Variants in PPP2R5D observed in about 807,000 individuals in gnomAD.
PPP2R5D encodes serine/threonine-protein phosphatase 2A 56 kDa regulatory subunit delta isoform.
PPP2R5D carries 12 observed loss-of-function variants against 79.1 expected under a neutral mutation model. The ratio of observed to expected loss-of-function variants is 0.15; its 90% CI spans 0.10 to 0.25. The LOEUF is 0.25. Among genes scored for constraint, PPP2R5D ranks in the 10% least tolerant of loss-of-function variants. The pLI is 1.00. For synonymous variants in PPP2R5D, 277 were observed against 286.6 expected (o/e 0.97, Z 0.34); for missense variants, 419 against 760.2 (o/e 0.55, Z 5.28).
In PPP2R5D at chr6:43,007,367, C is replaced by A; in HGVS notation, c.634-47C>A. 1.2e-6 allele frequency: 2 copies of A among 1,604,134 alleles called. No homozygotes were observed. The highest frequency in any genetic ancestry group is 1.7e-6 in the Non-Finnish European group (2 of 1,170,882). On this transcript the variant is annotated intron_variant, in intron 5 of 15. Coordinates refer to ENST00000485511, the MANE Select transcript of PPP2R5D (RefSeq NM_006245.4). This position sits in a 1 kb window ranked among gnomAD's most constrained non-coding sequence, Gnocchi z 4.5. Reference sequence around the variant, plus strand: ...AGGGAGTGGGGCACTTGGAGGCCTGCAAGTCCTTGGGAACATCCCCTCAGT... The same window carrying A: ...AGGGAGTGGGGCACTTGGAGGCCTGAAAGTCCTTGGGAACATCCCCTCAGT...
In PPP2R5D at chr6:43,007,614, TGTCTG is replaced by T; in HGVS notation, c.726+111_726+115del. 1 of 1,139,448 alleles carries T rather than the reference TGTCTG, an allele frequency of 8.8e-7. No homozygotes were observed. Among genetic ancestry groups the T allele is most frequent in the South Asian group, 1.3e-5 (1 of 78,048 alleles). The allele number at this position is 1,139,448 out of a possible 1,614,324, so 70.6% of individuals were successfully genotyped here. A position where few individuals can be genotyped will look rare whatever the true frequency, so the allele number is the denominator to read the frequency against. ...AGCTGAATATATTGGGTTTCATCCA[TGTCTG>T]GTACGAGGAGGCTATAAAGGGTAAA... On this transcript the variant is annotated intron_variant, in intron 6 of 15. Transcript: ENST00000485511. The surrounding 1 kb of genome is among the most constrained non-coding windows in gnomAD (Gnocchi z 4.5).
intron 2 of PPP2R5D, among the ~76,000 whole-genome samples, chr6:43,005,733 T>G (rs1199565963): frequency 6.6e-6 from 1 of 152,084 alleles, no homozygotes; most frequent in Non-Finnish European, 1.5e-5. Flanking sequence ...GCGATTCTCC[T>G]GCCTCAGCCT....
chr6:42,986,691 G>A (rs3805949), intron 1 of PPP2R5D, among the ~76,000 whole-genome samples: 14,858 of 151,840 alleles, frequency 0.098, 1,180 homozygotes, highest in African/African-American at 0.22. Flanking sequence ...AATGGAATTC[G>A]GGGAAAGCTG....
chr6:42,993,462 ACT>A (rs1021458270), intron 2 of PPP2R5D, among the ~76,000 whole-genome samples: 3 of 152,144 alleles, frequency 2.0e-5, no homozygotes, highest in Admixed American at 6.6e-5. Flanking sequence ...CAAGAGGGAA[ACT>A]CTGTCTCAAA....
intron 2 of PPP2R5D, among the ~76,000 whole-genome samples, chr6:42,991,344 T>G (rs1771250087): frequency 6.6e-6 from 1 of 152,028 alleles, no homozygotes; most frequent in African/African-American, 2.4e-5. Flanking sequence ...GAAGGAAAAT[T>G]TAATGGGGAG....
chr6:43,009,536 C>T lies in PPP2R5D; in HGVS notation c.1379+87C>T. ...AAGAACTAAAGAGCCAGGGGTCTCA[C>T]CTAGTCACCCAGCAAGTGGGGCTGA... On this transcript the variant is annotated intron_variant, in intron 12 of 15. Coordinates refer to ENST00000485511, the MANE Select transcript of PPP2R5D (RefSeq NM_006245.4). The surrounding 1 kb of genome is among the most constrained non-coding windows in gnomAD (Gnocchi z 5.6). The T allele has an allele frequency of 5.1e-6, 8 of 1,558,150 alleles. No individual in the cohort carries two copies. Among genetic ancestry groups the T allele is most frequent in the Non-Finnish European group, 7.0e-6 (8 of 1,140,846 alleles).
intron 2 of PPP2R5D, among the ~76,000 whole-genome samples, chr6:43,002,366 TGTTG>T (rs772363667): frequency 9.2e-5 from 14 of 152,108 alleles, no homozygotes; most frequent in Non-Finnish European, 1.8e-4. Context: ...GGTTTCACCA[TGTTG>T]GCCAGGCTGC....
intron 2 of PPP2R5D, among the ~76,000 whole-genome samples, chr6:42,995,272 C>T (rs537217874): frequency 8.6e-5 from 13 of 151,594 alleles, no homozygotes; most frequent in Non-Finnish European, 1.8e-4. Context: ...GCTGGGGCTG[C>T]AGGCACGAGC....
chr6:42,986,339 C>T (rs556369494), intron 1 of PPP2R5D, among the ~76,000 whole-genome samples: 5 of 152,168 alleles, frequency 3.3e-5, no homozygotes, highest in Admixed American at 6.5e-5. Flanking sequence ...GCCACCTGCT[C>T]GATGACCCCA....
intron 2 of PPP2R5D, among the ~76,000 whole-genome samples, chr6:42,992,914 A>C (rs1353224986): frequency 6.6e-6 from 1 of 152,068 alleles, no homozygotes; most frequent in Non-Finnish European, 1.5e-5. Flanking sequence ...TAATCCCAGC[A>C]CTTTGGGAGG....
intron 2 of PPP2R5D, among the ~76,000 whole-genome samples, chr6:42,998,397 G>A (rs868047885): frequency 2.0e-5 from 3 of 151,992 alleles, no homozygotes; most frequent in South Asian, 2.1e-4. Context: ...AATGATGGCC[G>A]TGTTCGGAAT....
chr6:42,997,283 C>T (rs1326569218), intron 2 of PPP2R5D, among the ~76,000 whole-genome samples: 1 of 151,840 alleles, frequency 6.6e-6, no homozygotes, highest in Non-Finnish European at 1.5e-5. Flanking sequence ...ACCTCCGCCT[C>T]CCGGACTGAA....
Position 43,006,424 on chromosome 6 carries a change from C to A in PPP2R5D, c.106-39C>A. The A allele has an allele frequency of 6.2e-7, 1 of 1,604,436 alleles. No individual in the cohort carries two copies. Among genetic ancestry groups the A allele is most frequent in the Non-Finnish European group, 8.5e-7 (1 of 1,175,572 alleles). ...GCCAGGCCCAGGGTGGGAGGCATAT[C>A]TTGGGAAGTGGATTTCAACAGGTGA... On this transcript the variant is annotated intron_variant, in intron 2 of 15. Coordinates refer to ENST00000485511, the MANE Select transcript of PPP2R5D (RefSeq NM_006245.4). The surrounding 1 kb of genome is among the most constrained non-coding windows in gnomAD (Gnocchi z 4.7).
At chr6:42,987,917 G>A (rs1036762866) in intron 1 of PPP2R5D, among the ~76,000 whole-genome samples, 5 of 152,202 alleles carry the variant, frequency 3.3e-5, no homozygotes, top group African/African-American at 1.2e-4. Flanking sequence ...TGTCTGGGGT[G>A]TGTGCAGACA....
chr6:43,000,115 T>C (rs1293267008), intron 2 of PPP2R5D, among the ~76,000 whole-genome samples: 1 of 151,824 alleles, frequency 6.6e-6, no homozygotes, highest in Non-Finnish European at 1.5e-5. Context: ...TTTGTATTTT[T>C]AGTAGAGACG....
chr6:42,998,051 A>ATTTTTTTTTTTTTTTTTTTTTTTTTTTTT (rs1771901037), intron 2 of PPP2R5D, among the ~76,000 whole-genome samples: 1 of 19,070 alleles, frequency 5.2e-5, no homozygotes, highest in African/African-American at 1.9e-4. Context: ...ATATATATAT[A>ATTTTTTTTTTTTTTTTTTTTTTTTTTTTT]TATATATTTT....
At chr6:42,993,315 C>G (rs1217376518) in intron 2 of PPP2R5D, among the ~76,000 whole-genome samples, 1 of 148,122 alleles carries the variant, frequency 6.8e-6, no homozygotes, top group African/African-American at 2.5e-5. Context: ...AAAAAAAATA[C>G]AAAAATTAGC....
Position 43,006,729 on chromosome 6 carries a change from C to T in PPP2R5D, c.322+50C>T, listed in dbSNP as rs529243060. On this transcript the variant is annotated intron_variant, in intron 3 of 15. Coordinates refer to ENST00000485511, the MANE Select transcript of PPP2R5D (RefSeq NM_006245.4). The surrounding 1 kb of genome is among the most constrained non-coding windows in gnomAD (Gnocchi z 4.7). ...CTGTTTTACCAGTTCTAGTGGGCATCGGGAGTTGGTGGAATGGAAGTTTTG... is the reference window on the plus strand; with the variant it reads ...CTGTTTTACCAGTTCTAGTGGGCATTGGGAGTTGGTGGAATGGAAGTTTTG... 509 of 1,594,260 alleles carry T rather than the reference C, an allele frequency of 3.2e-4. 2 individuals are homozygous for T. The South Asian group carries it at 5.4e-3, about 17-fold the overall frequency.
At chr6:43,002,139 A>G (rs2150270914) in intron 2 of PPP2R5D, among the ~76,000 whole-genome samples, 1 of 151,754 alleles carries the variant, frequency 6.6e-6, no homozygotes. Context: ...TTGAGCACCA[A>G]GCTCCACAGA....
Sources: allele counts gnomAD v4.1 joint callset (sites outside exome capture counted in the v4.1 genomes callset), GRCh38; gene constraint gnomAD v4.1.1; non-coding constraint Gnocchi (gnomAD v3.1); transcripts MANE v1.5; gene names NCBI Gene and HGNC (gene_info 2026-07-23, HGNC 2026-07-21).